The following AP3S1 variants were observed in gnomAD, a reference collection of about 807,000 sequenced individuals.
AP3S1 encodes adaptor related protein complex 3 subunit sigma 1.
In AP3S1, 12 loss-of-function variants were observed where a neutral mutation model predicts 21.3. The ratio of observed to expected loss-of-function variants is 0.56; its 90% CI spans 0.36 to 0.91. The LOEUF is 0.91. AP3S1 is among the 40% of genes least tolerant of loss of function. AP3S1 has a pLI of 0.01. For synonymous variants in AP3S1, 48 were observed against 78.4 expected, an observed-to-expected ratio of 0.61 and a Z score of 2.05; for missense variants, 116 against 225.0, an observed-to-expected ratio of 0.52 and a Z score of 3.10.
At chr5:115,875,073 T>C (rs1039738679) in intron 3 of AP3S1, among the ~76,000 whole-genome samples, 8 of 152,326 alleles carry the variant, frequency 5.3e-5, no homozygotes, top group Middle Eastern at 3.4e-3. Context: ...ACATTATCAC[T>C]AAAGCATATA....
Position 115,841,992 on chromosome 5 carries a change from C to T in AP3S1, c.-46C>T, listed in dbSNP as rs1246893957. 7 of 1,557,542 alleles carry T rather than the reference C, an allele frequency of 4.5e-6. No homozygotes were observed. In the African/African-American group the frequency reaches 5.5e-5, roughly 12 times the overall value. ...TTACGAGGCGAGGCTCGCGCGCCCG[C>T]CCCCGCCCTGGCCCCCAGTGCCCAC... On this transcript the variant is annotated 5_prime_UTR_variant, in exon 1 of 6. Transcript: ENST00000316788.
At chr5:115,898,810 C>G (rs1012778624) in intron 4 of AP3S1, 3 of 152,202 alleles carry the variant, frequency 2.0e-5, no homozygotes, top group Non-Finnish European at 2.9e-5. Flanking sequence ...GTTATTACCC[C>G]TAAAATCCTA....
At chr5:115,854,936 G>T (rs1762691756) in intron 1 of AP3S1, among the ~76,000 whole-genome samples, 1 of 151,984 alleles carries the variant, frequency 6.6e-6, no homozygotes, top group Admixed American at 6.6e-5. Flanking sequence ...TCTTATGTCA[G>T]AAATCGCCCT....
intron 1 of AP3S1, among the ~76,000 whole-genome samples, 190 bp downstream of exon 1, chr5:115,842,296 C>T (rs910314663): frequency 6.6e-6 from 1 of 152,174 alleles, no homozygotes; most frequent in East Asian, 1.9e-4. Context: ...GCCGCGCGGT[C>T]AGCCACCGAC....
At chr5:115,864,605 T>C (rs1763467235) in intron 1 of AP3S1, among the ~76,000 whole-genome samples, 1 of 152,206 alleles carries the variant, frequency 6.6e-6, no homozygotes, top group African/African-American at 2.4e-5. Flanking sequence ...AACAGTGCAT[T>C]CCTGCTGAAG....
intron 1 of AP3S1, among the ~76,000 whole-genome samples, chr5:115,853,897 G>T (rs1010197353): frequency 1.3e-5 from 2 of 152,100 alleles, no homozygotes; most frequent in African/African-American, 4.8e-5. Flanking sequence ...CATTGAAATT[G>T]GGAAATATTT....
chr5:115,861,135 G>T (rs890120267), intron 1 of AP3S1, among the ~76,000 whole-genome samples: 1 of 152,144 alleles, frequency 6.6e-6, no homozygotes, highest in Admixed American at 6.6e-5. Flanking sequence ...CAATACTAAG[G>T]AACCATGGAG....
At chr5:115,844,000 AG>A (rs1761867366) in intron 1 of AP3S1, among the ~76,000 whole-genome samples, 1 of 152,098 alleles carries the variant, frequency 6.6e-6, no homozygotes, top group Non-Finnish European at 1.5e-5. Context: ...AGATATAAAA[AG>A]AAGAATCTGG....
chr5:115,864,579 A>C (rs1459050300), intron 1 of AP3S1, among the ~76,000 whole-genome samples: 1 of 152,218 alleles, frequency 6.6e-6, no homozygotes, highest in Non-Finnish European at 1.5e-5. Flanking sequence ...AAAGCTGTGA[A>C]AGCCATGAGG....
At chr5:115,859,818 A>G (rs1763044410) in intron 1 of AP3S1, among the ~76,000 whole-genome samples, 1 of 152,222 alleles carries the variant, frequency 6.6e-6, no homozygotes, top group Non-Finnish European at 1.5e-5. Context: ...ACGGTGAAGA[A>G]GGCCTGCCTC....
intron 3 of AP3S1, among the ~76,000 whole-genome samples, chr5:115,893,006 A>G (rs1156645393): frequency 6.6e-6 from 1 of 152,250 alleles, no homozygotes; most frequent in Non-Finnish European, 1.5e-5. Flanking sequence ...TATATTAACT[A>G]TAATAATTTT....
chr5:115,874,217 A>T (rs1242535800), intron 3 of AP3S1, among the ~76,000 whole-genome samples: 1 of 151,972 alleles, frequency 6.6e-6, no homozygotes, highest in Non-Finnish European at 1.5e-5. Context: ...TTTTTTATTG[A>T]TATATACCAT....
chr5:115,888,620 A>G (rs1750001544), intron 3 of AP3S1, among the ~76,000 whole-genome samples: 1 of 152,094 alleles, frequency 6.6e-6, no homozygotes, highest in Non-Finnish European at 1.5e-5. Flanking sequence ...CTTTTTTTAT[A>G]GTATTCACAT....
At chr5:115,900,756 T>C (rs557471049) in intron 4 of AP3S1, among the ~76,000 whole-genome samples, 2 of 152,340 alleles carry the variant, frequency 1.3e-5, no homozygotes, top group Admixed American at 1.3e-4. Context: ...TCATTGTTAC[T>C]GGGGTGACAT....
chr5:115,870,311 A>G (rs1748114699), intron 3 of AP3S1, among the ~76,000 whole-genome samples, 183 bp downstream of exon 3: 1 of 152,190 alleles, frequency 6.6e-6, no homozygotes, highest in Non-Finnish European at 1.5e-5. Flanking sequence ...TCTGATTAAA[A>G]CTATCATAAC....
chr5:115,901,100 A>G (rs149637539), intron 4 of AP3S1, among the ~76,000 whole-genome samples: 3 of 152,136 alleles, frequency 2.0e-5, no homozygotes, highest in Non-Finnish European at 4.4e-5. Context: ...AGTCTCTTTT[A>G]TGGTTTTCCT....
chr5:115,882,851 A>G (rs1561505058), intron 3 of AP3S1, among the ~76,000 whole-genome samples: 2 of 152,156 alleles, frequency 1.3e-5, no homozygotes, highest in African/African-American at 4.8e-5. Context: ...AGTTTTATCT[A>G]TAAGCCCCTG....
intron 3 of AP3S1, among the ~76,000 whole-genome samples, chr5:115,877,386 G>A (rs987391762): frequency 5.3e-5 from 8 of 151,986 alleles, no homozygotes; most frequent in African/African-American, 1.9e-4. Flanking sequence ...GGTGTGTGAT[G>A]TTCCCCTCCC....
chr5:115,878,222 AT>A (rs1748906038), intron 3 of AP3S1, among the ~76,000 whole-genome samples: 1 of 151,972 alleles, frequency 6.6e-6, no homozygotes, highest in South Asian at 2.1e-4. Flanking sequence ...CCATTTGTCA[AT>A]TTTGGCTTTT....
Sources: allele counts gnomAD v4.1 joint callset (sites outside exome capture counted in the v4.1 genomes callset), GRCh38; gene constraint gnomAD v4.1.1; transcripts MANE v1.5; gene names NCBI Gene and HGNC (gene_info 2026-07-23, HGNC 2026-07-21).